The following RNF187 variants were observed in gnomAD, a reference collection of about 807,000 sequenced individuals.
RNF187 encodes the protein E3 ubiquitin-protein ligase RNF187.
A neutral mutation model predicts 22.2 loss-of-function variants in RNF187; 18 were observed. That is an observed-to-expected ratio of 0.81 (90% confidence interval 0.56 to 1.20). The LOEUF is 1.20. RNF187 is among the 50% of genes most tolerant of loss of function. The pLI is 0.00. For missense variants in RNF187, 329 were observed against 317.6 expected, an observed-to-expected ratio of 1.04 and a Z score of -0.27; for synonymous variants, 164 against 140.9, an observed-to-expected ratio of 1.16 and a Z score of -1.16.
intron 2 of RNF187, among the ~76,000 whole-genome samples, chr1:228,490,799 T>G: frequency 6.6e-6 from 1 of 152,168 alleles, no homozygotes; most frequent in African/African-American, 2.4e-5. Flanking sequence ...GAGTGGCAAG[T>G]GTGAATGCTG....
At chr1:228,492,955 G>A in intron 2 of RNF187, 98 bp from the exon 3 acceptor site, 1 of 1,271,856 alleles carries the variant, frequency 7.9e-7, no homozygotes, top group African/African-American at 1.5e-5. Flanking sequence ...GCATGTTTTG[G>A]AGTGGCATGT....
intron 2 of RNF187, among the ~76,000 whole-genome samples, chr1:228,492,557 T>C: frequency 4.0e-5 from 6 of 149,766 alleles, no homozygotes; most frequent in Non-Finnish European, 8.9e-5. Context: ...CCGGACCTCA[T>C]GTTCTGTCTG....
At chr1:228,491,019 A>G in intron 2 of RNF187, among the ~76,000 whole-genome samples, 3 of 152,172 alleles carry the variant, frequency 2.0e-5, no homozygotes, top group South Asian at 2.1e-4. Context: ...TGAGCACTGC[A>G]GTGTAGGGGA....
Position 228,495,270 on chromosome 1 carries a change from C to T in RNF187, c.*1385C>T. 3 of 229,880 alleles carry T rather than the reference C, an allele frequency of 1.3e-5. No homozygotes were observed. The highest frequency in any genetic ancestry group is 4.7e-5 in the African/African-American group (2 of 42,886). The allele number at this position is 229,880 out of a possible 1,614,324, so 14.2% of individuals were successfully genotyped here. Reference sequence around the variant, plus strand: ...CTGGCTAAACCCACCTCACAGAGTCCTTGCTGCAGGCAGGCAGGGCGATCA... The same window carrying T: ...CTGGCTAAACCCACCTCACAGAGTCTTTGCTGCAGGCAGGCAGGGCGATCA... On this transcript the variant is annotated 3_prime_UTR_variant, in exon 4 of 4. Transcript: ENST00000305943.
rs1658860301 is a variant in RNF187 at position 228,487,479 on chromosome 1, G to A, written c.-10G>A. ...CTCCTGCGCCCTTGCCGGCCCCGCC[G>A]CCCGCAGCCCTGGCGCTCCCTGCGG... On this transcript the variant is annotated 5_prime_UTR_variant, in exon 1 of 4. Coordinates refer to ENST00000305943, the MANE Select transcript of RNF187 (RefSeq NM_001010858.3). 2.7e-6 allele frequency: 3 copies of A among 1,113,392 alleles called. No homozygotes were observed. The highest frequency in any genetic ancestry group is 5.3e-5 in the East Asian group (1 of 18,802). 69.0% of individuals were successfully genotyped at this position (1,113,392 alleles called of 1,614,324 possible).
Position 228,494,890 on chromosome 1 carries a change from G to A in RNF187, c.*1005G>A. On this transcript the variant is annotated 3_prime_UTR_variant, in exon 4 of 4. Coordinates refer to ENST00000305943, the MANE Select transcript of RNF187 (RefSeq NM_001010858.3). The stretch of plus-strand genomic sequence containing the variant: ...AGCCTTTCAGCCCTTCTGAGTCCCC[G>A]GCCCTTGGTGCGATGTCTGTGAGTT... 1 of 985,398 alleles carries A rather than the reference G, an allele frequency of 1.0e-6. No individual in the cohort carries two copies. The highest frequency in any genetic ancestry group is 4.7e-5 in the South Asian group (1 of 21,282). 61.0% of individuals were successfully genotyped at this position (985,398 alleles called of 1,614,324 possible).
intron 2 of RNF187, among the ~76,000 whole-genome samples, chr1:228,492,157 C>T: frequency 1.3e-5 from 2 of 151,586 alleles, no homozygotes; most frequent in African/African-American, 4.9e-5. Flanking sequence ...CTCAAGCGAT[C>T]GTCTTACCTC....
Position 228,493,949 on chromosome 1 carries a change from A to G in RNF187, c.*64A>G. On this transcript the variant is annotated 3_prime_UTR_variant, in exon 4 of 4. Coordinates refer to ENST00000305943, the MANE Select transcript of RNF187 (RefSeq NM_001010858.3). The surrounding 1 kb of genome is among the most constrained non-coding windows in gnomAD (Gnocchi z 4.7). ...AGGATGGATCCTCATCTCCATGGGAAGTGTCAGCGTGTGGCTGCCAGGGAA... is the reference window on the plus strand; with the variant it reads ...AGGATGGATCCTCATCTCCATGGGAGGTGTCAGCGTGTGGCTGCCAGGGAA... 2 of 1,551,696 alleles carry G rather than the reference A, an allele frequency of 1.3e-6. No homozygotes were observed. The highest frequency in any genetic ancestry group is 1.7e-6 in the Non-Finnish European group (2 of 1,146,976).
At chr1:228,492,606 C>T in intron 2 of RNF187, among the ~76,000 whole-genome samples, 1 of 149,772 alleles carries the variant, frequency 6.7e-6, no homozygotes, top group African/African-American at 2.5e-5. Flanking sequence ...AGGCGTGAGC[C>T]CCCGTGCCTG....
Position 228,495,620 on chromosome 1 carries a change from AGTCTCCCACAACATCAGT to A in RNF187, c.*1742_*1759del. 2.0e-6 allele frequency: 2 copies of A among 985,490 alleles called. No homozygotes were observed. Among genetic ancestry groups the A allele is most frequent in the Non-Finnish European group, 2.4e-6 (2 of 829,906 alleles). 61.0% of individuals were successfully genotyped at this position (985,490 alleles called of 1,614,324 possible). ...TTGCCCGGACAGGTCCTGATGGCAGAGTCTCCCACAACATCAGTGTCTCCACATCACCAGGTCCGACAG... is the reference window on the plus strand; with the variant it reads ...TTGCCCGGACAGGTCCTGATGGCAGAGTCTCCACATCACCAGGTCCGACAG... On this transcript the variant is annotated 3_prime_UTR_variant, in exon 4 of 4. Transcript: ENST00000305943.
At position 228,487,592 on chromosome 1, in the gene RNF187, G is replaced by A; in HGVS notation, c.104G>A (p.Cys35Tyr). The A allele has an allele frequency of 7.9e-7, 1 of 1,273,776 alleles. No homozygotes were observed. Among genetic ancestry groups the A allele is most frequent in the Non-Finnish European group, 1.0e-6 (1 of 995,806 alleles). 78.9% of individuals were successfully genotyped at this position (1,273,776 alleles called of 1,614,324 possible). The change falls in exon 1 of 4, where the codon TGC becomes TAC. Residue 35 changes from cysteine (C) to tyrosine (Y), a missense_variant. Physicochemically the swap from Cys to Tyr is radical, Grantham distance 194. Coordinates refer to ENST00000305943, the MANE Select transcript of RNF187 (RefSeq NM_001010858.3). ...TGCGGCCACCGCTTCTGTCGGGCGT[G>A]CGTGGTGCGCTTCTGGGCCGAGGAG...
chr1:228,491,361 A>G, intron 2 of RNF187, among the ~76,000 whole-genome samples: 1 of 123,344 alleles, frequency 8.1e-6, no homozygotes, highest in Non-Finnish European at 1.6e-5. Flanking sequence ...GCACTCCAAC[A>G]TGGGTGACAG....
Position 228,495,109 on chromosome 1 carries a change from T to C in RNF187, c.*1224T>C. 3 of 879,758 alleles carry C rather than the reference T, an allele frequency of 3.4e-6. No homozygotes were observed. Among genetic ancestry groups the C allele is most frequent in the Non-Finnish European group, 4.1e-6 (3 of 733,382 alleles). The allele number at this position is 879,758 out of a possible 1,614,324, so 54.5% of individuals were successfully genotyped here. On this transcript the variant is annotated 3_prime_UTR_variant, in exon 4 of 4. Coordinates refer to ENST00000305943, the MANE Select transcript of RNF187 (RefSeq NM_001010858.3). ...TTGATTGGGACCATTGAGATGGGTG[T>C]GGGACCCTTTCCTTGGGGCCTGGGG...
Position 228,494,921 on chromosome 1 carries a change from T to C in RNF187, c.*1036T>C. On this transcript the variant is annotated 3_prime_UTR_variant, in exon 4 of 4. Transcript: ENST00000305943. The stretch of plus-strand genomic sequence containing the variant: ...TGGTGCGATGTCTGTGAGTTTGACC[T>C]GCCCAGCGTGTGGGCTGGCTCAATG... The C allele has an allele frequency of 5.1e-6, 5 of 985,492 alleles. No individual in the cohort carries two copies. The highest frequency in any genetic ancestry group is 6.0e-6 in the Non-Finnish European group (5 of 829,978). 61.0% of individuals were successfully genotyped at this position (985,492 alleles called of 1,614,324 possible). A position where few individuals can be genotyped will look rare whatever the true frequency, so the allele number is the denominator to read the frequency against.
Position 228,493,326 on chromosome 1 carries a change from C to T in RNF187, c.705+52C>T. 2.6e-6 allele frequency: 4 copies of T among 1,511,384 alleles called. No individual in the cohort carries two copies. Among genetic ancestry groups the T allele is most frequent in the Middle Eastern group, 4.7e-4 (2 of 4,220 alleles). The allele number at this position is 1,511,384 out of a possible 1,614,324, so 93.6% of individuals were successfully genotyped here. ...ACCATCGGGCCAGGGTGGACGCAGG[C>T]AGCAGCGAGCCATTGGGGGACCATT... is the stretch of plus-strand genomic sequence containing the variant. On this transcript the variant is annotated intron_variant, in intron 3 of 3. Transcript: ENST00000305943. This position sits in a 1 kb window ranked among gnomAD's most constrained non-coding sequence, Gnocchi z 4.7.
chr1:228,488,782 G>T, intron 1 of RNF187, among the ~76,000 whole-genome samples, 178 bp from the exon 2 acceptor site: 1 of 152,232 alleles, frequency 6.6e-6, no homozygotes, highest in Non-Finnish European at 1.5e-5. Flanking sequence ...GAATAGGTGT[G>T]AAGCCCAAGA....
chr1:228,487,716 G>T lies in RNF187; in HGVS notation c.228G>T (p.Glu76Asp). The T allele has an allele frequency of 9.6e-7, 1 of 1,041,806 alleles. No homozygotes were observed. Among genetic ancestry groups the T allele is most frequent in the Non-Finnish European group, 1.2e-6 (1 of 868,506 alleles). The allele number at this position is 1,041,806 out of a possible 1,614,324, so 64.5% of individuals were successfully genotyped here. ...TCAGCCGCCGCCTTCTGGCGCTCGA[G>T]GAGGCGGCCGCGGCGCCCGCGCGCG... Residue 76 changes from glutamate to aspartate, a missense_variant, in exon 1 of 4, where the codon GAG becomes GAT. Transcript: ENST00000305943.
At chr1:228,492,782 G>A in intron 2 of RNF187, among the ~76,000 whole-genome samples, 1 of 151,892 alleles carries the variant, frequency 6.6e-6, no homozygotes, top group Admixed American at 6.5e-5. Flanking sequence ...GTGCCACCAC[G>A]CCTGGCTCAT....
intron 2 of RNF187, among the ~76,000 whole-genome samples, chr1:228,491,291 G>A: frequency 6.6e-6 from 1 of 150,920 alleles, no homozygotes; most frequent in South Asian, 2.1e-4. Flanking sequence ...GGGAGGCTGA[G>A]GTGGGAGGAT....
Sources: allele counts gnomAD v4.1 joint callset (sites outside exome capture counted in the v4.1 genomes callset), GRCh38; gene constraint gnomAD v4.1.1; non-coding constraint Gnocchi (gnomAD v3.1); transcripts MANE v1.5; gene names NCBI Gene and HGNC (gene_info 2026-07-23, HGNC 2026-07-21).